Variants in IGF2BP3 observed in about 807,000 individuals in gnomAD.
The protein encoded by IGF2BP3 is insulin-like growth factor 2 mRNA-binding protein 3.
Under a neutral mutation model 73.8 loss-of-function variants are expected in IGF2BP3, and 9 were observed. The ratio of observed to expected loss-of-function variants is 0.12; its 90% CI spans 0.07 to 0.21. The LOEUF (loss-of-function observed/expected upper bound fraction) is 0.21. Ranked by LOEUF, IGF2BP3 falls within the 10% of genes least tolerant of loss-of-function variation. IGF2BP3 has a pLI of 1.00. For synonymous variants in IGF2BP3, 258 were observed against 256.7 expected (o/e 1.01, Z -0.05); for missense variants, 542 against 714.0 (o/e 0.76, Z 2.75).
intron 3 of IGF2BP3, among the ~76,000 whole-genome samples, chr7:23,384,536 T>C (rs550576547): frequency 6.6e-6 from 1 of 152,232 alleles, no homozygotes; most frequent in South Asian, 2.1e-4. Flanking sequence ...AAAAGATATA[T>C]TAGTCTTTTC....
In IGF2BP3 at chr7:23,379,764, G is replaced by A. The variant is rs149959548; in HGVS notation, c.286-18023C>T. On this transcript the variant is annotated intron_variant, in intron 3 of 14. Coordinates refer to ENST00000258729, the MANE Select transcript of IGF2BP3 (RefSeq NM_006547.3). ...GTGCCTGCTTCTGTCCTCAACAGCA[G>A]GATTCCAGAGTTGTGTCTGCAACTC... Among the ~76,000 whole-genome samples the A allele has an allele frequency of 2.7e-3, 410 of 152,270 alleles. 2 individuals carry two copies. Among genetic ancestry groups the A allele is most frequent in the African/African-American group, 9.6e-3 (398 of 41,548 alleles).
At chr7:23,435,767 G>C (rs13233614) in intron 2 of IGF2BP3, among the ~76,000 whole-genome samples, 27,538 of 147,038 alleles carry the variant, frequency 0.19, 2,830 homozygotes, top group Middle Eastern at 0.29. Flanking sequence ...TTTTGTCTTT[G>C]TTTGTTTTTT....
intron 3 of IGF2BP3, among the ~76,000 whole-genome samples, chr7:23,392,527 T>C (rs573270603): frequency 7.4e-5 from 11 of 149,042 alleles, no homozygotes; most frequent in African/African-American, 2.2e-4. Context: ...CACACACACA[T>C]ACACACACAC....
Position 23,470,258 on chromosome 7 carries a change from G to T in IGF2BP3, c.-148C>A. The stretch of plus-strand genomic sequence containing the variant: ...CACAGTAAGAACCAAGCACAAGAAC[G>T]AGGAGTGAAAAATCAGATCCGAGGC... On this transcript the variant is annotated 5_prime_UTR_variant, in exon 1 of 15. Coordinates refer to ENST00000258729, the MANE Select transcript of IGF2BP3 (RefSeq NM_006547.3). The T allele has an allele frequency of 1.7e-6, 1 of 571,748 alleles. No homozygotes were observed. Among genetic ancestry groups the T allele is most frequent in the South Asian group, 2.7e-5 (1 of 36,842 alleles). 35.4% of individuals were successfully genotyped at this position (571,748 alleles called of 1,614,324 possible).
intron 10 of IGF2BP3, among the ~76,000 whole-genome samples, chr7:23,336,445 T>C (rs1583901929): frequency 1.5e-5 from 2 of 135,190 alleles, no homozygotes; most frequent in African/African-American, 5.6e-5. Flanking sequence ...TTCTAAACCA[T>C]TTTTTTTTTT....
chr7:23,419,794 G>A (rs1013688304), intron 2 of IGF2BP3, among the ~76,000 whole-genome samples: 4 of 152,142 alleles, frequency 2.6e-5, no homozygotes, highest in African/African-American at 7.2e-5. Flanking sequence ...CGGAGGTTGC[G>A]GTAAGCCAAG....
At chr7:23,334,370 T>G (rs994699461) in intron 10 of IGF2BP3, among the ~76,000 whole-genome samples, 1 of 152,150 alleles carries the variant, frequency 6.6e-6, no homozygotes, top group Non-Finnish European at 1.5e-5. Flanking sequence ...AAAATAAGCC[T>G]ATGCTAGAAC....
chr7:23,425,696 A>C (rs1404352017), intron 2 of IGF2BP3, among the ~76,000 whole-genome samples: 1 of 152,162 alleles, frequency 6.6e-6, no homozygotes. Context: ...ATTAGAAGAT[A>C]ATTGAAGATA....
At position 23,354,893 on chromosome 7, in the gene IGF2BP3, C is replaced by T. The variant is rs117215826; in HGVS notation, c.402-3307G>A. Reference sequence around the variant, plus strand: ...ACCCCTCAAACCACAGTGCTCCATCCACAGTCAGACACAGCTGAAAAGGTA... The same window carrying T: ...ACCCCTCAAACCACAGTGCTCCATCTACAGTCAGACACAGCTGAAAAGGTA... On this transcript the variant is annotated intron_variant, in intron 5 of 14. Coordinates refer to ENST00000258729, the MANE Select transcript of IGF2BP3 (RefSeq NM_006547.3). Among the ~76,000 whole-genome samples the T allele has an allele frequency of 5.1e-4, 78 of 152,264 alleles. No individual in the cohort carries two copies. The East Asian group carries it at 0.014, about 28-fold the overall frequency.
intron 10 of IGF2BP3, among the ~76,000 whole-genome samples, chr7:23,320,234 A>G (rs156411): frequency 0.12 from 18,416 of 152,140 alleles, 2,633 homozygotes; most frequent in African/African-American, 0.35. Context: ...TATACATGAA[A>G]AAATTAGAAA....
intron 8 of IGF2BP3, 137 bp downstream of exon 8, chr7:23,345,803 G>A: frequency 1.0e-6 from 1 of 996,992 alleles, no homozygotes; most frequent in Non-Finnish European, 1.5e-6. Context: ...GCAGCAAGCT[G>A]TATTTGAGAA....
chr7:23,344,233 T>C (rs192875200), intron 8 of IGF2BP3, among the ~76,000 whole-genome samples: 124 of 152,330 alleles, frequency 8.1e-4, no homozygotes, highest in Non-Finnish European at 2.1e-4. Context: ...CCTAAGTACA[T>C]AACCTTTCAT....
At chr7:23,325,166 G>GAA (rs1031733014) in intron 10 of IGF2BP3, among the ~76,000 whole-genome samples, 4 of 152,178 alleles carry the variant, frequency 2.6e-5, no homozygotes, top group Non-Finnish European at 4.4e-5. Context: ...TGTATATCTA[G>GAA]AAAGCCCCAT....
intron 2 of IGF2BP3, among the ~76,000 whole-genome samples, chr7:23,446,169 C>A (rs555280130): frequency 6.6e-6 from 1 of 152,252 alleles, no homozygotes; most frequent in South Asian, 2.1e-4. Context: ...AACAAAATAA[C>A]AACTGTAACA....
intron 6 of IGF2BP3, 146 bp downstream of exon 6, chr7:23,351,159 T>C: frequency 1.3e-6 from 1 of 781,276 alleles, no homozygotes; most frequent in Non-Finnish European, 2.0e-6. Context: ...ACCAAGATAC[T>C]GCAAGATTTT....
At chr7:23,447,461 T>C (rs1788093246) in intron 2 of IGF2BP3, among the ~76,000 whole-genome samples, 1 of 151,414 alleles carries the variant, frequency 6.6e-6, no homozygotes, top group Admixed American at 6.6e-5. Context: ...CCGTCTCTAC[T>C]AAAAATACAA....
intron 14 of IGF2BP3, 29 bp downstream of exon 14, chr7:23,312,706 T>C (rs754908550): frequency 6.9e-6 from 10 of 1,456,636 alleles, no homozygotes; most frequent in South Asian, 2.3e-5. Context: ...GTGAGAAAGA[T>C]ACAATAGCTT....
intron 2 of IGF2BP3, among the ~76,000 whole-genome samples, chr7:23,454,190 C>A (rs1788264224): frequency 6.6e-6 from 1 of 152,124 alleles, no homozygotes; most frequent in East Asian, 1.9e-4. Context: ...ATCCTTCGTT[C>A]ATTTTTATAC....
chr7:23,421,837 T>G (rs973851733), intron 2 of IGF2BP3, among the ~76,000 whole-genome samples: 2 of 152,042 alleles, frequency 1.3e-5, no homozygotes, highest in African/African-American at 4.8e-5. Context: ...CAGGCTGGAG[T>G]GCAGTGGCGT....
Sources: allele counts gnomAD v4.1 joint callset (sites outside exome capture counted in the v4.1 genomes callset), GRCh38; gene constraint gnomAD v4.1.1; transcripts MANE v1.5; gene names NCBI Gene and HGNC (gene_info 2026-07-23, HGNC 2026-07-21).